KAZN: variants seen among roughly 807,000 people sequenced by gnomAD.
KAZN encodes the protein kazrin.
A neutral mutation model predicts 87.4 loss-of-function variants in KAZN; 40 were observed. The ratio of observed to expected loss-of-function variants is 0.46; its 90% CI spans 0.36 to 0.60. The LOEUF (loss-of-function observed/expected upper bound fraction) is 0.60. Among genes scored for constraint, KAZN ranks in the 20% least tolerant of loss-of-function variants. The probability of loss-of-function intolerance (pLI) is 0.00; values close to 1 mark genes in which losing one functional copy is unlikely to be tolerated. For synonymous variants in KAZN, 466 were observed against 458.3 expected, an observed-to-expected ratio of 1.02 and a Z score of -0.22; for missense variants, 898 against 1,073.9, an observed-to-expected ratio of 0.84 and a Z score of 2.29.
rs551538210 is a variant in KAZN, at chr1:14,139,401, C to T, written c.92-41034C>T. On this transcript the variant is annotated intron_variant, in intron 1 of 16. Coordinates refer to the KAZN transcript ENST00000636203. Reference sequence around the variant, plus strand: ...AATCCATGTCTTAAGCCTCCACTGCCGATGTCCTTCCCATCACATCACACG... The same window carrying T: ...AATCCATGTCTTAAGCCTCCACTGCTGATGTCCTTCCCATCACATCACACG... 7.9e-5 allele frequency among the ~76,000 whole-genome samples: 12 copies of T among 152,296 alleles called. No individual in the cohort carries two copies. The East Asian group carries it at 1.5e-3, about 20-fold the overall frequency.
At chr1:14,887,808 T>C (rs1167611686) in intron 1 of KAZN, among the ~76,000 whole-genome samples, 1 of 152,122 alleles carries the variant, frequency 6.6e-6, no homozygotes, top group Non-Finnish European at 1.5e-5. Flanking sequence ...TTTCCCTTCC[T>C]TCTTTCTCTG....
intron 2 of KAZN, among the ~76,000 whole-genome samples, chr1:14,329,831 C>A (rs2100866672): frequency 6.6e-6 from 1 of 152,352 alleles, no homozygotes; most frequent in Non-Finnish European, 1.5e-5. Flanking sequence ...CACTGGGATT[C>A]ATTGCTCAGT....
chr1:13,915,738 TAG>T (rs34265385), intron 1 of KAZN, among the ~76,000 whole-genome samples: 8 of 150,360 alleles, frequency 5.3e-5, no homozygotes, highest in Non-Finnish European at 1.0e-4. Flanking sequence ...TTTTTAGCAC[TAG>T]AGAGAGAGAG....
At chr1:15,074,435 C>T (rs1328697111) in intron 8 of KAZN, among the ~76,000 whole-genome samples, 1 of 152,168 alleles carries the variant, frequency 6.6e-6, no homozygotes, top group Non-Finnish European at 1.5e-5. Context: ...GGGCACCAGC[C>T]TGGTGAAGGA....
chr1:14,567,925 A>G (rs1674638095), intron 2 of KAZN, among the ~76,000 whole-genome samples: 1 of 152,214 alleles, frequency 6.6e-6, no homozygotes, highest in Non-Finnish European at 1.5e-5. Flanking sequence ...CTCCTGGTGT[A>G]CACAGCTATA....
chr1:15,049,247 C>A (rs1674030787), intron 4 of KAZN, among the ~76,000 whole-genome samples: 1 of 152,226 alleles, frequency 6.6e-6, no homozygotes, highest in African/African-American at 2.4e-5. Flanking sequence ...AGACCATGGG[C>A]ATCCCCCACA....
chr1:13,956,499 G>A (rs1186469559), intron 1 of KAZN, among the ~76,000 whole-genome samples: 2 of 151,352 alleles, frequency 1.3e-5, no homozygotes, highest in East Asian at 3.9e-4. Flanking sequence ...GTTTCAAAAG[G>A]AACTTTTAGG....
At chr1:13,942,276 C>T (rs1640957530) in intron 1 of KAZN, among the ~76,000 whole-genome samples, 1 of 151,836 alleles carries the variant, frequency 6.6e-6, no homozygotes, top group Admixed American at 6.6e-5. Context: ...CGCGGTGGCT[C>T]ACGCCTGTAA....
intron 1 of KAZN, among the ~76,000 whole-genome samples, chr1:14,665,036 T>C (rs1639435305): frequency 6.6e-6 from 1 of 152,218 alleles, no homozygotes; most frequent in Non-Finnish European, 1.5e-5. Context: ...CAAATGATCC[T>C]TCTGCCCAGG....
intron 1 of KAZN, among the ~76,000 whole-genome samples, chr1:14,015,045 A>G (rs567625185): frequency 5.9e-5 from 9 of 152,254 alleles, no homozygotes; most frequent in Non-Finnish European, 4.4e-5. Flanking sequence ...TGTTGCTAAT[A>G]TTGATTTTAC....
At chr1:14,790,532 A>G (rs1296360896) in intron 1 of KAZN, among the ~76,000 whole-genome samples, 1 of 152,130 alleles carries the variant, frequency 6.6e-6, no homozygotes, top group African/African-American at 2.4e-5. Flanking sequence ...ACCACTATCT[A>G]ATTACAGAAT....
chr1:14,371,794 G>GA (rs1660504063), intron 2 of KAZN, among the ~76,000 whole-genome samples: 1 of 152,262 alleles, frequency 6.6e-6, no homozygotes, highest in African/African-American at 2.4e-5. Flanking sequence ...AATCTGAAGA[G>GA]AAAACCAAGA....
intron 2 of KAZN, among the ~76,000 whole-genome samples, chr1:14,197,603 G>A (rs920534590): frequency 2.0e-5 from 3 of 152,064 alleles, no homozygotes; most frequent in Admixed American, 1.3e-4. Context: ...CAGGAGAATC[G>A]TTTAAACCCA....
At chr1:14,583,484 G>A (rs1675674671) in intron 2 of KAZN, among the ~76,000 whole-genome samples, 1 of 152,220 alleles carries the variant, frequency 6.6e-6, no homozygotes, top group South Asian at 2.1e-4. Flanking sequence ...AAGCTGGCAG[G>A]TAGTGTGCTT....
intron 1 of KAZN, among the ~76,000 whole-genome samples, chr1:13,987,037 C>G (rs1389251684): frequency 6.6e-6 from 1 of 152,162 alleles, no homozygotes; most frequent in Non-Finnish European, 1.5e-5. Context: ...AAGTGTCTTC[C>G]ATTGTAAGGT....
chr1:14,676,001 T>C (rs1030559967), intron 1 of KAZN, among the ~76,000 whole-genome samples: 4 of 152,030 alleles, frequency 2.6e-5, no homozygotes, highest in Non-Finnish European at 5.9e-5. Flanking sequence ...GGGGCCAAAA[T>C]ATAGGGGAGG....
chr1:14,452,670 C>T (rs539494461), intron 2 of KAZN, among the ~76,000 whole-genome samples: 1 of 152,270 alleles, frequency 6.6e-6, no homozygotes, highest in Non-Finnish European at 1.5e-5. Flanking sequence ...AGAAGACAGC[C>T]AGCGCAACAG....
intron 1 of KAZN, among the ~76,000 whole-genome samples, chr1:14,082,617 C>G (rs1329618264): frequency 6.6e-6 from 1 of 152,190 alleles, no homozygotes; most frequent in Non-Finnish European, 1.5e-5. Flanking sequence ...GCATCTGAAT[C>G]TTCGGGCCAA....
At chr1:13,900,051 G>T (rs1299018447) in intron 1 of KAZN, among the ~76,000 whole-genome samples, 1 of 151,856 alleles carries the variant, frequency 6.6e-6, no homozygotes, top group Admixed American at 6.5e-5. Context: ...TCATCCTTAT[G>T]AGTAGCTGCT....
Sources: gnomAD v4.1 joint callset for allele counts (sites outside exome capture counted in the v4.1 genomes callset) on GRCh38, gnomAD v4.1.1 for gene constraint, MANE v1.5 for transcripts, NCBI Gene and HGNC (gene_info 2026-07-23, HGNC 2026-07-21) for gene names.